RPS6KA5: variants seen among roughly 807,000 people sequenced by gnomAD.
RPS6KA5 encodes the protein ribosomal protein S6 kinase alpha-5.
Under a neutral mutation model 85.5 loss-of-function variants are expected in RPS6KA5, and 27 were observed. The ratio of observed to expected loss-of-function variants is 0.32; its 90% CI spans 0.23 to 0.44. The LOEUF (loss-of-function observed/expected upper bound fraction) is 0.44, where lower values mean the gene tolerates loss of function less well. Among genes scored for constraint, RPS6KA5 ranks in the 20% least tolerant of loss-of-function variants. The probability of loss-of-function intolerance (pLI) is 1.00; values close to 1 mark genes in which losing one functional copy is unlikely to be tolerated. For synonymous variants in RPS6KA5, 334 were observed against 348.2 expected, an observed-to-expected ratio of 0.96 and a Z score of 0.46; for missense variants, 811 against 980.9, an observed-to-expected ratio of 0.83 and a Z score of 2.31.
rs187707122 is a variant in RPS6KA5 at position 90,863,922 on chromosome 14, T to A, written c.*8152A>T. 1 of 152,192 alleles carries A rather than the reference T, an allele frequency of 6.6e-6. No individual in the cohort carries two copies. 9.4% of individuals were successfully genotyped at this position (152,192 alleles called of 1,614,324 possible). A position where few individuals can be genotyped will look rare whatever the true frequency, so the allele number is the denominator to read the frequency against. On this transcript the variant is annotated 3_prime_UTR_variant, in exon 17 of 17. Transcript: ENST00000614987. Reference sequence around the variant, plus strand: ...ATATGGAAATGCAAAGGATTAAGAATAGCCAAAACTATTAGAACTATTAGA... The same window carrying A: ...ATATGGAAATGCAAAGGATTAAGAAAAGCCAAAACTATTAGAACTATTAGA...
intron 9 of RPS6KA5, among the ~76,000 whole-genome samples, chr14:90,901,272 G>A (rs928217650): frequency 6.6e-6 from 1 of 151,988 alleles, no homozygotes; most frequent in Non-Finnish European, 1.5e-5. Flanking sequence ...GCCTGACGGG[G>A]TTTCACCATG....
rs1566747840 is a variant in RPS6KA5 at position 90,925,314 on chromosome 14, T to C, written c.619-2118A>G. On this transcript the variant is annotated intron_variant, in intron 5 of 16. Transcript: ENST00000614987. ...AGATGGGCTAGAATTACCACTCTTA[T>C]ATAAACCTTGAAACCAAAGAAAGCT... Among the ~76,000 whole-genome samples the C allele has an allele frequency of 3.9e-5, 6 of 152,212 alleles. No individual in the cohort carries two copies. In the South Asian group the frequency reaches 1.0e-3, roughly 26 times the overall value.
chr14:91,028,419 G>A (rs562529918), intron 1 of RPS6KA5, among the ~76,000 whole-genome samples: 5 of 152,018 alleles, frequency 3.3e-5, no homozygotes, highest in South Asian at 2.1e-4. Flanking sequence ...GTCTTCCTAC[G>A]TTGCCCAGGC....
intron 8 of RPS6KA5, among the ~76,000 whole-genome samples, chr14:90,904,027 A>G (rs1152428): frequency 0.63 from 94,627 of 151,300 alleles, 30,052 homozygotes; most frequent in East Asian, 0.84. Flanking sequence ...GCTCACTACT[A>G]CAAGCTCCAC....
At position 90,861,875 on chromosome 14, in the gene RPS6KA5, C is replaced by A. The variant is rs1460230506; in HGVS notation, c.*10199G>T. The stretch of plus-strand genomic sequence containing the variant: ...ATCGTGCCACTGCACTGCAGCCTGG[C>A]GACAAAGACTCCATCTCAAAAAAAA... On this transcript the variant is annotated 3_prime_UTR_variant, in exon 17 of 17. Coordinates refer to ENST00000614987, the MANE Select transcript of RPS6KA5 (RefSeq NM_004755.4). The A allele has an allele frequency of 7.7e-6, 1 of 129,268 alleles. No homozygotes were observed. Among genetic ancestry groups the A allele is most frequent in the Non-Finnish European group, 1.5e-5 (1 of 64,690 alleles). 8.0% of individuals were successfully genotyped at this position (129,268 alleles called of 1,614,324 possible). A position where few individuals can be genotyped will look rare whatever the true frequency, so the allele number is the denominator to read the frequency against.
chr14:91,054,254 A>G (rs1056284850), intron 1 of RPS6KA5, among the ~76,000 whole-genome samples: 7 of 152,234 alleles, frequency 4.6e-5, no homozygotes, highest in African/African-American at 1.4e-4. Flanking sequence ...GAAAACAGAG[A>G]CATCAATCTT....
intron 5 of RPS6KA5, among the ~76,000 whole-genome samples, chr14:90,925,647 C>A (rs1263002109): frequency 6.6e-6 from 1 of 151,712 alleles, no homozygotes; most frequent in Non-Finnish European, 1.5e-5. Flanking sequence ...TCCACAGACA[C>A]AACAAACTGA....
At chr14:90,918,471 G>C (rs1341549718) in intron 7 of RPS6KA5, among the ~76,000 whole-genome samples, 1 of 152,126 alleles carries the variant, frequency 6.6e-6, no homozygotes, top group Non-Finnish European at 1.5e-5. Flanking sequence ...CCAGTCTGTG[G>C]CTTGTCTTTT....
intron 3 of RPS6KA5, among the ~76,000 whole-genome samples, chr14:90,967,235 T>G (rs2039112342): frequency 6.6e-6 from 1 of 152,236 alleles, no homozygotes; most frequent in South Asian, 2.1e-4. Context: ...GATTATATCT[T>G]AATTCCTTTG....
chr14:90,886,297 T>C (rs910865836), intron 14 of RPS6KA5, among the ~76,000 whole-genome samples: 3 of 152,188 alleles, frequency 2.0e-5, no homozygotes, highest in African/African-American at 7.2e-5. Context: ...AATAAGGTCC[T>C]GAGAATAAAA....
intron 7 of RPS6KA5, among the ~76,000 whole-genome samples, chr14:90,913,604 TA>T (rs2035951299): frequency 6.6e-6 from 1 of 152,218 alleles, no homozygotes; most frequent in South Asian, 2.1e-4. Flanking sequence ...AAATAAGATT[TA>T]AAAGTTACTT....
chr14:90,903,011 A>AAATC, intron 8 of RPS6KA5, 42 bp from the exon 9 acceptor site: 1 of 1,533,556 alleles, frequency 6.5e-7, no homozygotes, highest in Non-Finnish European at 9.0e-7. Flanking sequence ...ATCAATAGTC[A>AAATC]AAATGTACTT....
At chr14:91,020,102 G>A (rs773204008) in intron 1 of RPS6KA5, among the ~76,000 whole-genome samples, 2 of 152,096 alleles carry the variant, frequency 1.3e-5, no homozygotes, top group African/African-American at 2.4e-5. Context: ...TAACAACACC[G>A]TATTATAATC....
chr14:90,955,637 A>G (rs1286102), intron 3 of RPS6KA5, among the ~76,000 whole-genome samples: 3 of 11,210 alleles, frequency 2.7e-4, no homozygotes, highest in Non-Finnish European at 5.6e-4. Flanking sequence ...AATGTTTTAA[A>G]ATTAATTTCT....
chr14:91,009,440 C>T (rs1038859640), intron 1 of RPS6KA5, among the ~76,000 whole-genome samples: 3 of 152,064 alleles, frequency 2.0e-5, no homozygotes, highest in South Asian at 4.1e-4. Flanking sequence ...TAATAGAGAC[C>T]GAGTCTCACT....
intron 5 of RPS6KA5, among the ~76,000 whole-genome samples, chr14:90,941,322 A>C (rs1277078549): frequency 6.6e-6 from 1 of 152,180 alleles, no homozygotes; most frequent in Non-Finnish European, 1.5e-5. Context: ...GGGCCAGTTC[A>C]GTGGCAAAAT....
rs1359940593 is a variant in RPS6KA5 at position 90,860,493 on chromosome 14, C to G, written c.*11581G>C. On this transcript the variant is annotated 3_prime_UTR_variant, in exon 17 of 17. Coordinates refer to ENST00000614987, the MANE Select transcript of RPS6KA5 (RefSeq NM_004755.4). ...AGGTTGCAGTGAGCCAAGATTGTGC[C>G]ACTGCACTCCAGCCTGGGTGACAGA... is the stretch of plus-strand genomic sequence containing the variant. 1.3e-5 allele frequency: 2 copies of G among 152,156 alleles called. No homozygotes were observed. The highest frequency in any genetic ancestry group is 4.8e-5 in the African/African-American group (2 of 41,400). 9.4% of individuals were successfully genotyped at this position (152,156 alleles called of 1,614,324 possible). A position where few individuals can be genotyped will look rare whatever the true frequency, so the allele number is the denominator to read the frequency against.
At chr14:91,044,279 AAGAGAG>A (rs1034001844) in intron 1 of RPS6KA5, among the ~76,000 whole-genome samples, 455 of 12,228 alleles carry the variant, frequency 0.037, 6 homozygotes, top group African/African-American at 0.1. Flanking sequence ...GAGAGAAAGA[AAGAGAG>A]AGAGAGAGAA....
rs572309909 is a variant in RPS6KA5 at position 91,030,350 on chromosome 14, G to A, written c.104-29191C>T. ...GAATAATATATAAGTCTACACACGC[G>A]CTGTTGGTTTCAGAAAGCAGAGAGC... On this transcript the variant is annotated intron_variant, in intron 1 of 16. Transcript: ENST00000614987. Among the ~76,000 whole-genome samples the A allele has an allele frequency of 6.6e-5, 10 of 152,152 alleles. No individual in the cohort carries two copies. In the South Asian group the frequency reaches 1.0e-3, roughly 16 times the overall value.
Sources: gnomAD v4.1 joint callset for allele counts (sites outside exome capture counted in the v4.1 genomes callset) on GRCh38, gnomAD v4.1.1 for gene constraint, MANE v1.5 for transcripts, NCBI Gene and HGNC (gene_info 2026-07-23, HGNC 2026-07-21) for gene names.